Variants in KCNN2 observed in about 807,000 individuals in gnomAD.
KCNN2 encodes potassium calcium-activated channel subfamily N member 2, also known as small conductance calcium-activated potassium channel protein 2.
KCNN2 carries 24 observed loss-of-function variants against 55.5 expected under a neutral mutation model. The ratio of observed to expected loss-of-function variants is 0.43; its 90% confidence interval spans 0.31 to 0.61. The LOEUF (loss-of-function observed/expected upper bound fraction) is 0.61. Ranked by LOEUF, KCNN2 falls within the 20% of genes least tolerant of loss-of-function variation. The pLI, the probability that KCNN2 is intolerant of heterozygous loss-of-function variation, is 0.08. For synonymous variants in KCNN2, 431 were observed against 336.1 expected, an observed-to-expected ratio of 1.28 and a Z score of -3.09; for missense variants, 754 against 853.6, an observed-to-expected ratio of 0.88 and a Z score of 1.45.
chr5:114,323,649 A>ATTTTGTTTTTTTTTTTTTT (rs1756656133), intron 2 of KCNN2, among the ~76,000 whole-genome samples: 1 of 85,318 alleles, frequency 1.2e-5, no homozygotes, highest in Non-Finnish European at 2.3e-5. Context: ...AAACATATCA[A>ATTTTGTTTTTTTTTTTTTT]TTTTTTTTTT....
chr5:114,321,695 G>A (rs1229595214), intron 2 of KCNN2, among the ~76,000 whole-genome samples: 1 of 151,674 alleles, frequency 6.6e-6, no homozygotes, highest in Non-Finnish European at 1.5e-5. Flanking sequence ...TTGAGAGGGG[G>A]TCTTTGTTCT....
chr5:114,178,083 C>T (rs1753172560), intron 1 of KCNN2, among the ~76,000 whole-genome samples: 1 of 152,098 alleles, frequency 6.6e-6, no homozygotes, highest in Non-Finnish European at 1.5e-5. Context: ...CTATTCACTG[C>T]CTATTCCTTT....
intron 3 of KCNN2, among the ~76,000 whole-genome samples, chr5:114,458,460 T>G (rs1761030926): frequency 6.6e-6 from 1 of 152,236 alleles, no homozygotes; most frequent in Admixed American, 6.5e-5. Context: ...TATATGTCTA[T>G]GTGTATAATC....
intron 3 of KCNN2, 147 bp from the exon 4 acceptor site, chr5:114,462,902 A>G (rs897013637): frequency 5.5e-6 from 4 of 720,862 alleles, no homozygotes; most frequent in African/African-American, 1.8e-5. Flanking sequence ...TGGAACCTCA[A>G]TTTTGTTTAT....
intron 3 of KCNN2, among the ~76,000 whole-genome samples, chr5:114,450,718 A>G (rs17136613): frequency 0.047 from 7,123 of 152,218 alleles, 525 homozygotes; most frequent in African/African-American, 0.16. Context: ...GAACAGGAGT[A>G]ATACCGCCCC....
At chr5:114,476,753 CTAAA>C in intron 5 of KCNN2, among the ~76,000 whole-genome samples, 1 of 151,948 alleles carries the variant, frequency 6.6e-6, no homozygotes, top group East Asian at 1.9e-4. Flanking sequence ...CAAGATGTCA[CTAAA>C]TAAAGATATT....
intron 5 of KCNN2, among the ~76,000 whole-genome samples, chr5:114,479,726 A>C (rs1762139232): frequency 6.6e-6 from 1 of 152,200 alleles, no homozygotes; most frequent in South Asian, 2.1e-4. Context: ...CAAGAATTTC[A>C]CTCAAAACCA....
At chr5:114,226,568 C>T (rs4269287) in intron 2 of KCNN2, among the ~76,000 whole-genome samples, 152,226 of 152,302 alleles carry the variant, frequency 1, 76,075 homozygotes, top group Middle Eastern at 1. Flanking sequence ...TTTATTGTTG[C>T]CACTATTGTT....
rs73248418 is a variant in KCNN2, at chr5:114,137,393, C to T, written c.-271+80893C>T. On this transcript the variant is annotated intron_variant, in intron 1 of 10. Coordinates refer to the KCNN2 transcript ENST00000512097. ...TCTTTATTCCTCTGATCCTTCCCTG[C>T]GTATATACTTAGTCCTTCATGCACA... Among the ~76,000 whole-genome samples, 1,031 of 152,172 alleles carry T rather than the reference C, an allele frequency of 6.8e-3. 12 individuals are homozygous for T. Among genetic ancestry groups the T allele is most frequent in the African/African-American group, 0.022 (903 of 41,544 alleles).
upstream of KCNN2, among the ~76,000 whole-genome samples, chr5:114,360,356 T>A (rs1322781113): frequency 6.6e-6 from 1 of 152,126 alleles, no homozygotes; most frequent in Non-Finnish European, 1.5e-5. Context: ...AGCTGCCGAG[T>A]AGAATATCAA....
chr5:114,112,966 T>C (rs1247274899), intron 1 of KCNN2, among the ~76,000 whole-genome samples: 1 of 152,006 alleles, frequency 6.6e-6, no homozygotes, highest in South Asian at 2.1e-4. Flanking sequence ...TTTAATCAAA[T>C]AGCCAGAGTC....
At chr5:114,323,916 G>A (rs1344550282) in intron 2 of KCNN2, among the ~76,000 whole-genome samples, 2 of 151,770 alleles carry the variant, frequency 1.3e-5, no homozygotes, top group Admixed American at 6.6e-5. Context: ...CAAAGTGCTG[G>A]GAGCCACTGC....
At chr5:114,084,418 A>C (rs1252126913) in intron 1 of KCNN2, among the ~76,000 whole-genome samples, 4 of 152,038 alleles carry the variant, frequency 2.6e-5, no homozygotes, top group Non-Finnish European at 4.4e-5. Context: ...CAATTTCTTA[A>C]TGCCATGTTG....
At chr5:114,234,149 C>T (rs6594803) in intron 2 of KCNN2, among the ~76,000 whole-genome samples, 124,131 of 152,020 alleles carry the variant, frequency 0.82, 50,809 homozygotes, top group East Asian at 0.9. Flanking sequence ...ATTGAGGATA[C>T]CAAACTGTTC....
At chr5:114,157,971 G>T (rs558267767) in intron 1 of KCNN2, among the ~76,000 whole-genome samples, 1 of 151,670 alleles carries the variant, frequency 6.6e-6, no homozygotes, top group East Asian at 1.9e-4. Flanking sequence ...CACTCTGATG[G>T]TAGTTTCTTT....
intron 1 of KCNN2, among the ~76,000 whole-genome samples, chr5:114,195,455 A>C (rs1380974879): frequency 1.3e-5 from 2 of 151,948 alleles, no homozygotes; most frequent in Admixed American, 6.6e-5. Flanking sequence ...TGTTATTGTA[A>C]ATGAAATTTT....
At position 114,362,718 on chromosome 5, in the gene KCNN2, C is replaced by G; in HGVS notation, c.579C>G (p.His193Gln). ...ACCACCACCACCCGCACCCGGCGCA[C>G]CACCAGCACCACCAGCCCCAGGCGC... ...SHHHHHPHPAHHQHHQPQARR... is the reference protein window; with the variant it reads ...SHHHHHPHPAQHQHHQPQARR... Residue 193 changes from histidine (H) to glutamine (Q), a missense_variant, in exon 1 of 8, where the codon CAC becomes CAG. Around this residue, in one of 4 missense-constraint regions of KCNN2, gnomAD observed 381 missense variants for 259.1 expected, o/e 1.47. Coordinates refer to ENST00000673685, the MANE Select transcript of KCNN2 (RefSeq NM_021614.4). The G allele has an allele frequency of 6.6e-7, 1 of 1,509,654 alleles. No individual in the cohort carries two copies. The highest frequency in any genetic ancestry group is 8.8e-7 in the Non-Finnish European group (1 of 1,137,670). 93.5% of individuals were successfully genotyped at this position (1,509,654 alleles called of 1,614,324 possible).
chr5:114,132,345 A>G (rs946965474), intron 1 of KCNN2, among the ~76,000 whole-genome samples: 1 of 152,132 alleles, frequency 6.6e-6, no homozygotes, highest in African/African-American at 2.4e-5. Flanking sequence ...AATTGTCTGT[A>G]TATGACTAGC....
chr5:114,120,191 A>G (rs918649377), intron 1 of KCNN2, among the ~76,000 whole-genome samples: 1 of 152,150 alleles, frequency 6.6e-6, no homozygotes, highest in African/African-American at 2.4e-5. Context: ...TTCATTTTTC[A>G]TGTGAAAAAT....
Sources: allele counts gnomAD v4.1 joint callset (sites outside exome capture counted in the v4.1 genomes callset), GRCh38; gene constraint gnomAD v4.1.1; regional missense constraint gnomAD v4.1.1; transcripts MANE v1.5; gene names NCBI Gene and HGNC (gene_info 2026-07-23, HGNC 2026-07-21).